TMEM117: variants seen among roughly 807,000 people sequenced by gnomAD.
TMEM117 encodes the protein transmembrane protein 117.
In TMEM117, 27 loss-of-function variants were observed where a neutral mutation model predicts 52.4. That is an observed-to-expected ratio of 0.51 (90% CI 0.38 to 0.71). TMEM117 has a LOEUF of 0.71. Ranked by LOEUF, TMEM117 falls within the 30% of genes least tolerant of loss-of-function variation. The pLI is 0.00. For missense variants in TMEM117, 556 were observed against 630.5 expected (o/e 0.88, Z 1.26); for synonymous variants, 215 against 206.3 (o/e 1.04, Z -0.36).
chr12:44,296,999 C>G (rs73086784), intron 5 of TMEM117, among the ~76,000 whole-genome samples: 2,821 of 152,228 alleles, frequency 0.019, 40 homozygotes, highest in Non-Finnish European at 0.03. Context: ...TCTTGGACTT[C>G]GTATCTGAAT....
chr12:44,227,007 A>G (rs112782121), intron 5 of TMEM117, among the ~76,000 whole-genome samples: 2,884 of 152,230 alleles, frequency 0.019, 81 homozygotes, highest in African/African-American at 0.066. Flanking sequence ...ATAAGGAGTC[A>G]AGAAATACAA....
At chr12:44,201,544 C>A (rs940893160) in intron 4 of TMEM117, among the ~76,000 whole-genome samples, 2 of 152,056 alleles carry the variant, frequency 1.3e-5, no homozygotes, top group Non-Finnish European at 2.9e-5. Flanking sequence ...GTAAACTTAG[C>A]AAAATTATTC....
At chr12:44,341,906 G>A (rs1210724210) in intron 6 of TMEM117, among the ~76,000 whole-genome samples, 2 of 152,132 alleles carry the variant, frequency 1.3e-5, no homozygotes, top group Admixed American at 1.3e-4. Flanking sequence ...TCCAGCAGAG[G>A]CTGACGTGGC....
intron 4 of TMEM117, among the ~76,000 whole-genome samples, chr12:44,147,454 G>A (rs922794504): frequency 2.0e-5 from 3 of 152,162 alleles, no homozygotes; most frequent in Non-Finnish European, 1.5e-5. Context: ...CCAGAGAGAA[G>A]AAGCACTTCT....
intron 1 of TMEM117, 49 bp from the exon 2 acceptor site, chr12:43,844,575 G>A: frequency 1.4e-6 from 2 of 1,462,628 alleles, no homozygotes; most frequent in Non-Finnish European, 1.9e-6. Flanking sequence ...AAAGAAGAAA[G>A]CCATTACTTG....
At chr12:43,953,237 A>G (rs1382358905) in intron 3 of TMEM117, among the ~76,000 whole-genome samples, 1 of 152,158 alleles carries the variant, frequency 6.6e-6, no homozygotes, top group African/African-American at 2.4e-5. Context: ...AAACAACTAC[A>G]TTAGTAAGTC....
intron 3 of TMEM117, among the ~76,000 whole-genome samples, chr12:43,954,248 G>A (rs1295176282): frequency 2.0e-5 from 3 of 151,822 alleles, no homozygotes; most frequent in Non-Finnish European, 2.9e-5. Context: ...AAGAACTAGA[G>A]AACCAAGAGG....
intron 3 of TMEM117, among the ~76,000 whole-genome samples, chr12:44,012,457 G>T (rs1946308798): frequency 6.9e-6 from 1 of 145,224 alleles, no homozygotes. Context: ...TACCTTTCAT[G>T]GTTAACCCAC....
At chr12:43,945,457 A>T (rs139063565) in intron 3 of TMEM117, among the ~76,000 whole-genome samples, 1 of 152,114 alleles carries the variant, frequency 6.6e-6, no homozygotes, top group African/African-American at 2.4e-5. Flanking sequence ...AGTAGCTGAG[A>T]TTATAGGCGC....
At chr12:43,838,536 AG>A (rs373717579) in intron 1 of TMEM117, among the ~76,000 whole-genome samples, 23,617 of 134,176 alleles carry the variant, frequency 0.18, 3,490 homozygotes, top group African/African-American at 0.42. Context: ...GGAGTCTTCC[AG>A]TTTTTTTTTT....
At chr12:43,950,183 A>G (rs1175429486) in intron 3 of TMEM117, among the ~76,000 whole-genome samples, 2 of 152,226 alleles carry the variant, frequency 1.3e-5, no homozygotes, top group Admixed American at 6.5e-5. Context: ...CAAAATTAAT[A>G]TAAGTAGAGT....
At chr12:43,816,493 A>G in the TMEM117 span, among the ~76,000 whole-genome samples, 51 of 150,254 alleles carry the variant, frequency 3.4e-4, no homozygotes, top group African/African-American at 1.2e-3. Flanking sequence ...CTCACCTCCT[A>G]TCCACTACTC....
chr12:44,087,057 A>G (rs1381197890), intron 3 of TMEM117, among the ~76,000 whole-genome samples: 1 of 149,376 alleles, frequency 6.7e-6, no homozygotes, highest in Non-Finnish European at 1.5e-5. Flanking sequence ...TATAATTTGT[A>G]GAACCAAGCC....
intron 4 of TMEM117, among the ~76,000 whole-genome samples, chr12:44,193,515 C>G (rs1401384413): frequency 6.6e-6 from 1 of 152,006 alleles, no homozygotes; most frequent in East Asian, 1.9e-4. Flanking sequence ...GAAACAAAAC[C>G]CAAGGGCTCA....
At chr12:43,980,473 C>T (rs1945742649) in intron 3 of TMEM117, among the ~76,000 whole-genome samples, 1 of 152,160 alleles carries the variant, frequency 6.6e-6, no homozygotes, top group South Asian at 2.1e-4. Flanking sequence ...GAAACTGAGG[C>T]TGTGGTAGCT....
chr12:44,106,653 C>T (rs1403690476), intron 3 of TMEM117, among the ~76,000 whole-genome samples: 1 of 151,616 alleles, frequency 6.6e-6, no homozygotes, highest in Non-Finnish European at 1.5e-5. Flanking sequence ...TATAATTTGT[C>T]AATTTTTAAT....
At chr12:44,379,173 G>GGGAAGGAAGGAAGAAAGGAA (rs1565776316) in intron 7 of TMEM117, among the ~76,000 whole-genome samples, 2 of 150,886 alleles carry the variant, frequency 1.3e-5, no homozygotes, top group African/African-American at 2.4e-5. Flanking sequence ...GAAGGAGGGA[G>GGGAAGGAAGGAAGAAAGGAA]GGAAGGAAGG....
intron 2 of TMEM117, among the ~76,000 whole-genome samples, chr12:43,926,777 ATGTTT>A (rs1944785483): frequency 7.5e-6 from 1 of 133,540 alleles, no homozygotes; most frequent in Non-Finnish European, 1.6e-5. Context: ...TCTGCTATCT[ATGTTT>A]GTAGTTTTTC....
At chr12:44,218,303 T>C (rs755907065) in intron 5 of TMEM117, among the ~76,000 whole-genome samples, 32 of 152,170 alleles carry the variant, frequency 2.1e-4, no homozygotes, top group Non-Finnish European at 4.1e-4. Context: ...AAGTGGGATT[T>C]ATCTCTGGGA....
Sources: allele counts gnomAD v4.1 joint callset (sites outside exome capture counted in the v4.1 genomes callset), GRCh38; gene constraint gnomAD v4.1.1; transcripts MANE v1.5; gene names NCBI Gene and HGNC (gene_info 2026-07-23, HGNC 2026-07-21).